Variants in CREB5 observed in about 807,000 individuals in gnomAD.
The protein encoded by CREB5 is cyclic AMP-responsive element-binding protein 5.
CREB5 carries 19 observed loss-of-function variants against 57.1 expected under a neutral mutation model. The ratio of observed to expected loss-of-function variants is 0.33; its 90% CI spans 0.23 to 0.49. The LOEUF is 0.49. Among genes scored for constraint, CREB5 ranks in the 20% least tolerant of loss-of-function variants. CREB5 has a pLI of 0.99. For missense variants in CREB5, 579 were observed against 671.6 expected, an observed-to-expected ratio of 0.86 and a Z score of 1.52; for synonymous variants, 238 against 238.3, an observed-to-expected ratio of 1.00 and a Z score of 0.01.
rs371455027 is a variant in CREB5, at chr7:28,694,654, C to T, written c.465-24099C>T. 7.9e-5 allele frequency among the ~76,000 whole-genome samples: 12 copies of T among 152,314 alleles called. No individual in the cohort carries two copies. In the East Asian group the frequency reaches 2.1e-3, roughly 27 times the overall value. ...GAACTCTTGGGGTCAAATGGTCTTC[C>T]TGCCTCAGCCTCCTGAAGTAGCTGG... On this transcript the variant is annotated intron_variant, in intron 5 of 10. Transcript: ENST00000357727.
rs1461139943 is a variant in CREB5, at chr7:28,825,140, T to C, written c.*5861T>C. 6.6e-6 allele frequency: 1 copy of C among 152,632 alleles called. No individual in the cohort carries two copies. Among genetic ancestry groups the C allele is most frequent in the Admixed American group, 6.5e-5 (1 of 15,284 alleles). 9.5% of individuals were successfully genotyped at this position (152,632 alleles called of 1,614,324 possible). ...CAATAAGCTCATTAGATTCTAGTTT[T>C]CTCCTTTAGAATACCAATGCCACAG... On this transcript the variant is annotated 3_prime_UTR_variant, in exon 11 of 11. Transcript: ENST00000357727.
intron 7 of CREB5, among the ~76,000 whole-genome samples, chr7:28,754,334 G>T (rs1018200018): frequency 2.6e-5 from 4 of 152,226 alleles, no homozygotes; most frequent in African/African-American, 9.6e-5. Context: ...TGTGTGTCAT[G>T]AATAATTCAA....
intron 5 of CREB5, among the ~76,000 whole-genome samples, chr7:28,663,044 C>A (rs987400435): frequency 6.6e-6 from 1 of 151,506 alleles, no homozygotes; most frequent in African/African-American, 2.4e-5. Flanking sequence ...ACTCTGGAGG[C>A]TGAGGTAGGA....
At chr7:28,619,826 G>C (rs573625721) in intron 5 of CREB5, among the ~76,000 whole-genome samples, 8 of 152,312 alleles carry the variant, frequency 5.3e-5, no homozygotes, top group African/African-American at 1.9e-4. Flanking sequence ...TGAACACAGA[G>C]CCAGACAACC....
chr7:28,498,697 C>T (rs537196381), intron 3 of CREB5, among the ~76,000 whole-genome samples: 1 of 152,114 alleles, frequency 6.6e-6, no homozygotes, highest in South Asian at 2.1e-4. Flanking sequence ...AAACATAGAC[C>T]CCTTATTCAA....
intron 1 of CREB5, among the ~76,000 whole-genome samples, chr7:28,385,909 G>A (rs190643732): frequency 6.6e-6 from 1 of 151,994 alleles, no homozygotes; most frequent in Non-Finnish European, 1.5e-5. Flanking sequence ...CCGCTGGTAG[G>A]AATCATGGTC....
At chr7:28,369,337 A>G (rs2127993608) in intron 1 of CREB5, among the ~76,000 whole-genome samples, 1 of 152,258 alleles carries the variant, frequency 6.6e-6, no homozygotes, top group East Asian at 1.9e-4. Context: ...AGCTCACCTC[A>G]CTACTGAGCA....
chr7:28,595,779 T>C (rs1327178841), intron 5 of CREB5, among the ~76,000 whole-genome samples: 1 of 152,168 alleles, frequency 6.6e-6, no homozygotes, highest in African/African-American at 2.4e-5. Flanking sequence ...AGAGATCATA[T>C]TTCAGACCCA....
intron 1 of CREB5, among the ~76,000 whole-genome samples, chr7:28,472,377 C>CA (rs902844586): frequency 7.2e-5 from 11 of 151,970 alleles, no homozygotes; most frequent in East Asian, 1.9e-4. Context: ...ATTTAATCCT[C>CA]AAAAAAATCT....
At chr7:28,576,607 A>G (rs1341052033) in intron 5 of CREB5, among the ~76,000 whole-genome samples, 1 of 152,216 alleles carries the variant, frequency 6.6e-6, no homozygotes, top group Admixed American at 6.5e-5. Flanking sequence ...CCTCATGTGT[A>G]AGAAAACTAT....
intron 1 of CREB5, among the ~76,000 whole-genome samples, chr7:28,405,033 C>T (rs538550869): frequency 6.6e-6 from 1 of 152,194 alleles, no homozygotes; most frequent in South Asian, 2.1e-4. Context: ...CACATAAATC[C>T]CTTAGCTCAA....
intron 1 of CREB5, among the ~76,000 whole-genome samples, chr7:28,432,875 C>T (rs1016203679): frequency 1.3e-5 from 2 of 152,078 alleles, no homozygotes; most frequent in African/African-American, 4.8e-5. Flanking sequence ...TGATACATAT[C>T]CTTCATATAA....
At chr7:28,561,515 A>C (rs776073469) in intron 4 of CREB5, among the ~76,000 whole-genome samples, 8 of 152,216 alleles carry the variant, frequency 5.3e-5, no homozygotes, top group Non-Finnish European at 1.0e-4. Context: ...TGCTTGTATT[A>C]CCTGATTTAA....
intron 5 of CREB5, among the ~76,000 whole-genome samples, chr7:28,711,981 A>C (rs1333159947): frequency 6.6e-6 from 1 of 152,342 alleles, no homozygotes; most frequent in East Asian, 1.9e-4. Context: ...CTCATTTAGT[A>C]TCATGAGATA....
intron 1 of CREB5, among the ~76,000 whole-genome samples, chr7:28,469,227 T>A (rs1790714784): frequency 6.6e-6 from 1 of 152,030 alleles, no homozygotes; most frequent in African/African-American, 2.4e-5. Flanking sequence ...CTCTAAAAAA[T>A]AAATAAATAA....
At chr7:28,495,690 T>A (rs1792011191) in intron 3 of CREB5, among the ~76,000 whole-genome samples, 1 of 152,186 alleles carries the variant, frequency 6.6e-6, no homozygotes, top group Non-Finnish European at 1.5e-5. Flanking sequence ...AGCATGCATG[T>A]GAAAACTTAG....
At chr7:28,457,445 G>A (rs1265268277) in intron 1 of CREB5, among the ~76,000 whole-genome samples, 2 of 152,164 alleles carry the variant, frequency 1.3e-5, no homozygotes, top group African/African-American at 4.8e-5. Flanking sequence ...CTGCTCATTG[G>A]TGGATCTGGA....
intron 5 of CREB5, among the ~76,000 whole-genome samples, chr7:28,662,372 A>G (rs963201519): frequency 6.6e-6 from 1 of 152,230 alleles, no homozygotes; most frequent in African/African-American, 2.4e-5. Flanking sequence ...GCCTCGCCCC[A>G]GCTCAGCACT....
intron 3 of CREB5, among the ~76,000 whole-genome samples, chr7:28,506,406 A>G (rs1283956758): frequency 3.3e-5 from 5 of 152,206 alleles, no homozygotes; most frequent in African/African-American, 1.2e-4. Flanking sequence ...CTATGCAGAG[A>G]TTTTGAGACA....
Sources: allele counts gnomAD v4.1 joint callset (sites outside exome capture counted in the v4.1 genomes callset), GRCh38; gene constraint gnomAD v4.1.1; transcripts MANE v1.5; gene names NCBI Gene and HGNC (gene_info 2026-07-23, HGNC 2026-07-21).